Variants in TTN observed in about 807,000 individuals in gnomAD.
The protein encoded by TTN is titin.
Under a neutral mutation model 3,223.0 loss-of-function variants are expected in TTN, and 1,525 were observed. The ratio of observed to expected loss-of-function variants is 0.47; its 90% confidence interval spans 0.45 to 0.49. The LOEUF (loss-of-function observed/expected upper bound fraction) is 0.49. Ranked by LOEUF, TTN falls within the 20% of genes least tolerant of loss-of-function variation. The pLI, the probability that TTN is intolerant of heterozygous loss-of-function variation, is 0.00. For synonymous variants in TTN, 14,094 were observed against 15,161.0 expected (o/e 0.93, Z 5.17); for missense variants, 40,786 against 43,424.0 (o/e 0.94, Z 5.40).
Position 178,724,088 on chromosome 2 carries a change from T to C in TTN, c.21171A>G (p.Leu7057=). 6.2e-7 allele frequency: 1 copy of C among 1,613,374 alleles called. No homozygotes were observed. Among genetic ancestry groups the C allele is most frequent in the African/African-American group, 1.3e-5 (1 of 75,022 alleles). The change falls in exon 73 of 363, where the codon TTA becomes TTG. Residue 7057 remains leucine (L), a synonymous_variant. Transcript: ENST00000589042. The part of the protein sequence containing the change: ...TRRLKNTGGV[L]GASCILECKV... Reference sequence around the variant, plus strand: ...TGCATTCCAAGATGCAAGAAGCACCTAACACCCCACCAGTATTTTTCAGTC... The same window carrying C: ...TGCATTCCAAGATGCAAGAAGCACCCAACACCCCACCAGTATTTTTCAGTC...
chr2:178,786,830 A>C (rs751351187), intron 13 of TTN, among the ~76,000 whole-genome samples: 25 of 152,254 alleles, frequency 1.6e-4, no homozygotes, highest in Non-Finnish European at 3.2e-4. Context: ...ATTCAAGAGA[A>C]CAACCTTTCA....
chr2:178,747,652 C>G, intron 47 of TTN: 1 of 1,613,230 alleles, frequency 6.2e-7, no homozygotes, highest in South Asian at 1.1e-5. Flanking sequence ...TTTCAGGAAC[C>G]TCACGCTTTC....
In TTN at chr2:178,757,591, A is replaced by G. The variant is rs564614858; in HGVS notation, c.10629T>C (p.Asn3543=). 6.2e-7 allele frequency: 1 copy of G among 1,607,842 alleles called. No homozygotes were observed. The highest frequency in any genetic ancestry group is 1.3e-5 in the African/African-American group (1 of 74,916). The change falls in exon 45 of 363, where the codon AAT becomes AAC. Residue 3543 remains asparagine (N), a synonymous_variant. Transcript: ENST00000589042. ...CTGCACAAGTGGCTTCCCCAGCACT[A>G]TTGGCTGCTTTGCAAGAGTACTGCC... is the stretch of plus-strand genomic sequence containing the variant. The part of the protein sequence containing the change: ...HAGQYSCKAA[N]SAGEATCAAT...
rs1363405234 is a variant in TTN, at chr2:178,695,940, C to T, written c.31132G>A (p.Asp10378Asn). Residue 10378 changes from aspartate (D) to asparagine (N), a missense_variant, in exon 114 of 363, where the codon GAC (aspartate) becomes AAC (asparagine). Coordinates refer to ENST00000589042, the MANE Select transcript of TTN (RefSeq NM_001267550.2). ...TCTTCCCACTCTTCCTCCCCTTCGT[C>T]ATAGCCTTCTTCCCTTTCATAGTAT... Reference protein sequence around the residue: ...QEYYEREEGYDEGEEEWEEAY... With the variant: ...QEYYEREEGYNEGEEEWEEAY... The T allele has an allele frequency of 6.6e-7, 1 of 1,515,570 alleles. No individual in the cohort carries two copies. Among genetic ancestry groups the T allele is most frequent in the African/African-American group, 1.4e-5 (1 of 71,316 alleles). The allele number at this position is 1,515,570 out of a possible 1,614,324, so 93.9% of individuals were successfully genotyped here. A position where few individuals can be genotyped will look rare whatever the true frequency, so the allele number is the denominator to read the frequency against.
chr2:178,561,711 T>C lies in TTN; in HGVS notation c.84421A>G (p.Ser28141Gly). The C allele has an allele frequency of 2.5e-6, 4 of 1,610,586 alleles. No individual in the cohort carries two copies. Among genetic ancestry groups the C allele is most frequent in the Non-Finnish European group, 3.4e-6 (4 of 1,177,716 alleles). Residue 28141 changes from serine to glycine, a missense_variant, in exon 326 of 363, where the codon AGT (serine) becomes GGT (glycine). By Grantham distance (56) the Ser-to-Gly change is moderately conservative. Transcript: ENST00000589042. ...AENRYGKSSY[S>G]ESSAVVAEYP... ...TCTGCAACAACAGCTGAAGATTCAC[T>C]GTAGGAGCTCTTTCCATAGCGGTTT...
In TTN at chr2:178,570,483, C is replaced by T. The variant is rs1292869028; in HGVS notation, c.75649G>A (p.Val25217Ile). Residue 25217 changes from valine (V) to isoleucine (I), a missense_variant, in exon 326 of 363, where the codon GTT becomes ATT. Transcript: ENST00000589042. ...GCTAGTGTGCATTTTTCTGCTGTAA[C>T]TCCTGAGATAACAACAGGTCCTTCA... Reference protein sequence around the residue: ...PPEGPVVISGVTAEKCTLAWK... With the variant: ...PPEGPVVISGITAEKCTLAWK... 1 of 1,613,296 alleles carries T rather than the reference C, an allele frequency of 6.2e-7. No homozygotes were observed. Among genetic ancestry groups the T allele is most frequent in the East Asian group, 2.2e-5 (1 of 44,708 alleles).
Position 178,573,869 on chromosome 2 carries a change from A to T in TTN, c.72263T>A (p.Val24088Glu). ...ATCCCTTCTTGTTGAATCTTTGTTT[A>T]CCAGATTAGTAGAGAAATCTGCAAT... Reference protein sequence around the residue: ...IKIADFSTNLVNKDSTRRDSG... With the variant: ...IKIADFSTNLENKDSTRRDSG... The change falls in exon 326 of 363, where the codon GTA becomes GAA. Residue 24088 changes from valine (V) to glutamate (E), a missense_variant. Physicochemically the swap from Val to Glu is moderately radical, Grantham distance 121. Transcript: ENST00000589042. 1.9e-6 allele frequency: 3 copies of T among 1,611,108 alleles called. No homozygotes were observed. The highest frequency in any genetic ancestry group is 2.5e-6 in the Non-Finnish European group (3 of 1,177,842).
rs753441584 is a variant in TTN, at chr2:178,555,168, A to G, written c.88307-16T>C. Reference sequence around the variant, plus strand: ...ACAGGACCACCTGCAAGAAAAACAGATGAGAAATATTTAAAATATTATAAG... The same window carrying G: ...ACAGGACCACCTGCAAGAAAAACAGGTGAGAAATATTTAAAATATTATAAG... On this transcript the variant is annotated splice_polypyrimidine_tract_variant and intron_variant, in intron 330 of 362. Coordinates refer to ENST00000589042, the MANE Select transcript of TTN (RefSeq NM_001267550.2). The G allele has an allele frequency of 6.9e-6, 11 of 1,593,236 alleles. No individual in the cohort carries two copies. Among genetic ancestry groups the G allele is most frequent in the South Asian group, 5.8e-5 (5 of 85,768 alleles).
At position 178,547,299 on chromosome 2, in the gene TTN, G is replaced by T; in HGVS notation, c.94226C>A (p.Pro31409Gln). 2 of 1,604,298 alleles carry T rather than the reference G, an allele frequency of 1.2e-6. No individual in the cohort carries two copies. Among genetic ancestry groups the T allele is most frequent in the Non-Finnish European group, 1.7e-6 (2 of 1,174,968 alleles). The change falls in exon 340 of 363, where the codon CCA becomes CAA. Residue 31409 changes from proline to glutamine, a missense_variant. Coordinates refer to ENST00000589042, the MANE Select transcript of TTN (RefSeq NM_001267550.2). ...GACCTCAGGTCTGGTAGGAGCGCTT[G>T]GTGGGACTAAATATAAACAAAGGTA... Reference protein sequence around the residue: ...PIIAEHPFVPPSAPTRPEVYH... With the variant: ...PIIAEHPFVPQSAPTRPEVYH...
Position 178,551,139 on chromosome 2 carries a change from T to A in TTN, c.91392A>T (p.Gly30464=). 6.2e-7 allele frequency: 1 copy of A among 1,613,578 alleles called. No homozygotes were observed. Among genetic ancestry groups the A allele is most frequent in the Non-Finnish European group, 8.5e-7 (1 of 1,179,680 alleles). The stretch of plus-strand genomic sequence containing the variant: ...AGTTGCATCTCACCCAGCGTTCATT[T>A]CCTTGCCGTTTCTCAATGCTATAGC... ...IVGYSIEKRQ[G]NERWVRCNFT... is the part of the protein sequence containing the mutation. Residue 30464 remains glycine, a synonymous_variant, in exon 336 of 363, where the codon GGA becomes GGT. Coordinates refer to ENST00000589042, the MANE Select transcript of TTN (RefSeq NM_001267550.2).
Position 178,693,938 on chromosome 2 carries a change from C to A in TTN, c.31497G>T (p.Glu10499Asp). 1 of 1,613,112 alleles carries A rather than the reference C, an allele frequency of 6.2e-7. No individual in the cohort carries two copies. Reference protein sequence around the residue: ...EKMFFASHTEEEVSVTVPEVQ... With the variant: ...EKMFFASHTEDEVSVTVPEVQ... ...GCCTTATACCTGTGACTGACACCTC[C>A]TCCTCTGTGTGAGAAGCAAAGAACA... The change falls in exon 118 of 363, where the codon GAG (glutamate) becomes GAT (aspartate). Residue 10499 changes from glutamate (E) to aspartate (D), a missense_variant. Glu to Asp is a conservative substitution (Grantham distance 45). Transcript: ENST00000589042.
At chr2:178,638,306 A>C (rs2060760692) in intron 223 of TTN, among the ~76,000 whole-genome samples, 2 of 151,006 alleles carry the variant, frequency 1.3e-5, no homozygotes, top group African/African-American at 2.4e-5. Context: ...TAAATAAAAA[A>C]ATTTCTAAAT....
At position 178,692,511 on chromosome 2, in the gene TTN, G is replaced by T; in HGVS notation, c.31664C>A (p.Pro10555His). 6.3e-7 allele frequency: 1 copy of T among 1,583,630 alleles called. No homozygotes were observed. The highest frequency in any genetic ancestry group is 8.6e-7 in the Non-Finnish European group (1 of 1,163,482). The change falls in exon 120 of 363, where the codon CCC (proline) becomes CAC (histidine). Residue 10555 changes from proline to histidine, a missense_variant. Physicochemically the swap from Pro to His is moderately conservative, Grantham distance 77. Transcript: ENST00000589042. The part of the protein sequence containing the change: ...APVPIPKKVE[P>H]PAPKVPEVPK... ...TATTATTCTACCTTTTGGTGCTGGG[G>T]GCTCCACTTTTTTAGGGATAGGAAC...
At chr2:178,727,536 A>G (rs761804425) in intron 68 of TTN, 49 bp downstream of exon 68, 1 of 1,523,320 alleles carries the variant, frequency 6.6e-7, no homozygotes, top group Non-Finnish European at 8.8e-7. Context: ...GAATACAGAG[A>G]ACCAAAGACA....
chr2:178,572,912 A>G lies in TTN; in HGVS notation c.73220T>C (p.Leu24407Pro), dbSNP rs72646896. ...TCCAGGAACAAGGGCAGGTTCCCCA[A>G]GTCCTTCGGAATTCATGGCATAGAT... ...IRIYAMNSEG[L>P]GEPALVPGTP... The change falls in exon 326 of 363, where the codon CTT (leucine) becomes CCT (proline). Residue 24407 changes from leucine to proline, a missense_variant. Transcript: ENST00000589042. The G allele has an allele frequency of 1.2e-6, 2 of 1,613,376 alleles. No homozygotes were observed. The highest frequency in any genetic ancestry group is 1.7e-4 in the Middle Eastern group (1 of 6,056).
rs11424072 is a variant in TTN at position 178,526,912 on chromosome 2, C to CTT, written c.*98_*99dup. The CTT allele has an allele frequency of 5.5e-4, 653 of 1,177,446 alleles. No homozygotes were observed. The African/African-American group carries it at 7.7e-3, about 14-fold the overall frequency. 72.9% of individuals were successfully genotyped at this position (1,177,446 alleles called of 1,614,324 possible). On this transcript the variant is annotated 3_prime_UTR_variant, in exon 363 of 363. Coordinates refer to ENST00000589042, the MANE Select transcript of TTN (RefSeq NM_001267550.2). ...ACTCATTTAGGTTGATACAAAACTA[C>CTT]TTTTTTTTCTTTAAATATTTACAGT...
rs781781445 is a variant in TTN, at chr2:178,569,884, G to T, written c.76248C>A (p.Asp25416Glu). The stretch of plus-strand genomic sequence containing the variant: ...AAAGGAATACTGAAGATCTGGTTAT[G>T]TCTATGACTTTGGGGTTGTTTGGGG... The part of the protein sequence containing the change: ...PGPPNNPKVI[D>E]ITRSSVFLSW... The change falls in exon 326 of 363, where the codon GAC becomes GAA. Residue 25416 changes from aspartate (D) to glutamate (E), a missense_variant. By Grantham distance (45) the Asp-to-Glu change is conservative (BLOSUM62 2). Coordinates refer to ENST00000589042, the MANE Select transcript of TTN (RefSeq NM_001267550.2). The T allele has an allele frequency of 5.0e-6, 8 of 1,613,280 alleles. No homozygotes were observed. The highest frequency in any genetic ancestry group is 5.9e-6 in the Non-Finnish European group (7 of 1,179,618).
In TTN at chr2:178,731,348, A is replaced by C. The variant is rs990308126; in HGVS notation, c.17418T>G (p.Asn5806Lys). The change falls in exon 59 of 363, where the codon AAT (asparagine) becomes AAG (lysine). Residue 5806 changes from asparagine (N) to lysine (K), a missense_variant. Physicochemically the swap from Asn to Lys is moderately conservative, Grantham distance 94 (BLOSUM62 0). Transcript: ENST00000589042. ...HDGKYVCQAK[N>K]DAGIQRCSAL... ...CAGAACATCTTTGTATTCCTGCATCATTTTTGGCCTGACAGACATATTTCC... is the reference window on the plus strand; with the variant it reads ...CAGAACATCTTTGTATTCCTGCATCCTTTTTGGCCTGACAGACATATTTCC... 3.7e-6 allele frequency: 6 copies of C among 1,613,616 alleles called. No homozygotes were observed. The highest frequency in any genetic ancestry group is 1.7e-5 in the Admixed American group (1 of 59,978).
chr2:178,642,138 C>T, intron 219 of TTN, 99 bp downstream of exon 219: 1 of 955,442 alleles, frequency 1.0e-6, no homozygotes, highest in Non-Finnish European at 1.5e-6. Context: ...AATAGCGAAC[C>T]AATTCAAAGA....
Sources: gnomAD v4.1 joint callset for allele counts (sites outside exome capture counted in the v4.1 genomes callset) on GRCh38, gnomAD v4.1.1 for gene constraint, MANE v1.5 for transcripts, NCBI Gene and HGNC (gene_info 2026-07-23, HGNC 2026-07-21) for gene names.